Variants in GANC observed in about 807,000 individuals in gnomAD.
The protein encoded by GANC is neutral alpha-glucosidase C.
In GANC, 117 loss-of-function variants were observed where a neutral mutation model predicts 124.2. The observed-to-expected ratio is 0.94, with a 90% CI of 0.81 to 1.10. GANC has a LOEUF of 1.10. Among genes scored for constraint, GANC ranks in the 50% least tolerant of loss-of-function variants. The pLI is 0.00. For missense variants in GANC, 1,140 were observed against 1,095.0 expected (o/e 1.04, Z -0.58); for synonymous variants, 377 against 376.8 (o/e 1.00, Z -0.01).
chr15:42,281,767 G>GTGAAGGC (rs2051736599), intron 3 of GANC, among the ~76,000 whole-genome samples: 1 of 152,196 alleles, frequency 6.6e-6, no homozygotes, highest in African/African-American at 2.4e-5. Context: ...TTAAAAAATT[G>GTGAAGGC]TGAAGGCTGT....
Position 42,273,390 on chromosome 15 carries a change from C to T in GANC, c.-1092C>T, listed in dbSNP as rs2277533. 8.1e-6 allele frequency: 13 copies of T among 1,613,928 alleles called. No individual in the cohort carries two copies. The highest frequency in any genetic ancestry group is 1.7e-5 in the Admixed American group (1 of 59,996). ...CAGGCAACACCTGAAGCCACGCAGC[C>T]GCCGCCATCTTCACAGCCGTGGAGT... On this transcript the variant is annotated 5_prime_UTR_variant, in exon 1 of 24. Coordinates refer to ENST00000318010, the MANE Select transcript of GANC (RefSeq NM_198141.3).
At chr15:42,312,559 G>A (rs1391682665) in intron 10 of GANC, among the ~76,000 whole-genome samples, 2 of 152,180 alleles carry the variant, frequency 1.3e-5, no homozygotes, top group Non-Finnish European at 2.9e-5. Flanking sequence ...TTTGTAGATT[G>A]CCCAGTCTTG....
At chr15:42,285,714 G>A (rs1163600676) in intron 3 of GANC, among the ~76,000 whole-genome samples, 1 of 152,166 alleles carries the variant, frequency 6.6e-6, no homozygotes, top group Non-Finnish European at 1.5e-5. Flanking sequence ...AGAATCTCTT[G>A]AACCTAGGAG....
At chr15:42,299,909 A>G (rs555296449) in intron 6 of GANC, among the ~76,000 whole-genome samples, 2 of 152,386 alleles carry the variant, frequency 1.3e-5, no homozygotes, top group East Asian at 1.9e-4. Context: ...CTGGCTAGCC[A>G]TATGCAGAAA....
intron 22 of GANC, among the ~76,000 whole-genome samples, chr15:42,350,282 G>A (rs1052301787): frequency 4.1e-5 from 6 of 147,822 alleles, no homozygotes; most frequent in African/African-American, 1.5e-4. Flanking sequence ...TGCCCACTTC[G>A]GCCTCCCAAA....
At chr15:42,325,585 G>A (rs2141060077) in intron 11 of GANC, among the ~76,000 whole-genome samples, 2 of 152,254 alleles carry the variant, frequency 1.3e-5, no homozygotes, top group Middle Eastern at 3.4e-3. Context: ...TTATATCAAT[G>A]TTATCTGAGC....
chr15:42,313,254 G>C (rs1294079574), intron 10 of GANC, among the ~76,000 whole-genome samples: 1 of 95,768 alleles, frequency 1.0e-5, no homozygotes, highest in Admixed American at 1.2e-4. Flanking sequence ...AAAATAAAAT[G>C]GTTCAACTAT....
chr15:42,341,983 A>G (rs1352418019), intron 18 of GANC, among the ~76,000 whole-genome samples: 1 of 152,154 alleles, frequency 6.6e-6, no homozygotes, highest in Non-Finnish European at 1.5e-5. Flanking sequence ...CCTAGTAAAA[A>G]TCAGCCCCTC....
chr15:42,350,797 C>T (rs1566963256), intron 22 of GANC, among the ~76,000 whole-genome samples: 1 of 151,782 alleles, frequency 6.6e-6, no homozygotes, highest in Non-Finnish European at 1.5e-5. Flanking sequence ...CTCAAGTGAT[C>T]CGCCCACGTT....
At chr15:42,286,422 T>G (rs572689732) in intron 3 of GANC, among the ~76,000 whole-genome samples, 2 of 152,350 alleles carry the variant, frequency 1.3e-5, no homozygotes, top group East Asian at 3.9e-4. Context: ...AAACACATGT[T>G]TAAATAGTGA....
chr15:42,349,641 T>TC (rs1340282170), intron 22 of GANC, 146 bp downstream of exon 22: 2 of 604,724 alleles, frequency 3.3e-6, no homozygotes, highest in African/African-American at 3.7e-5. Context: ...TTTTTTCTTT[T>TC]CTTTTCTTTT....
At chr15:42,299,997 A>T (rs1359114717) in intron 6 of GANC, among the ~76,000 whole-genome samples, 1 of 152,208 alleles carries the variant, frequency 6.6e-6, no homozygotes, top group Non-Finnish European at 1.5e-5. Flanking sequence ...GTAAAACCCA[A>T]AACCATAAAA....
At chr15:42,276,268 T>TAC (rs1292162659) in intron 1 of GANC, 80 bp from the exon 2 acceptor site, 7 of 707,880 alleles carry the variant, frequency 9.9e-6, no homozygotes, top group Non-Finnish European at 1.8e-5. Context: ...TGCATGTTCA[T>TAC]ACTGTCGTTA....
chr15:42,327,285 T>G, intron 12 of GANC, 78 bp from the exon 13 acceptor site: 1 of 1,092,414 alleles, frequency 9.2e-7, no homozygotes, highest in African/African-American at 1.6e-5. Context: ...AGCTCTCACA[T>G]CTGATACCTT....
At chr15:42,333,829 A>G (rs1448686735) in intron 15 of GANC, among the ~76,000 whole-genome samples, 1 of 152,184 alleles carries the variant, frequency 6.6e-6, no homozygotes, top group Admixed American at 6.5e-5. Context: ...TAAGGCCTGT[A>G]ACACTTCTCT....
intron 6 of GANC, among the ~76,000 whole-genome samples, chr15:42,302,292 A>G (rs144013136): frequency 6.6e-6 from 1 of 152,328 alleles, no homozygotes; most frequent in East Asian, 1.9e-4. Context: ...CTAACACGGA[A>G]AGGAATAGCA....
In GANC at chr15:42,273,980, A is replaced by G. The variant is rs1471878907; in HGVS notation, c.-502A>G. ...ATGCTGCAGTACAATCTGGCTGGAG[A>G]CCTAGCCTCCAGCAAAGACCCGGCC... On this transcript the variant is annotated 5_prime_UTR_variant, in exon 1 of 24. Coordinates refer to ENST00000318010, the MANE Select transcript of GANC (RefSeq NM_198141.3). 3 of 219,900 alleles carry G rather than the reference A, an allele frequency of 1.4e-5. No homozygotes were observed. Among genetic ancestry groups the G allele is most frequent in the Non-Finnish European group, 2.7e-5 (3 of 110,510 alleles). The allele number at this position is 219,900 out of a possible 1,614,324, so 13.6% of individuals were successfully genotyped here.
At chr15:42,296,582 AG>A (rs1321720843) in intron 5 of GANC, among the ~76,000 whole-genome samples, 2 of 152,056 alleles carry the variant, frequency 1.3e-5, no homozygotes, top group Non-Finnish European at 2.9e-5. Context: ...TAGTAGAGAC[AG>A]GGTTTCACCA....
chr15:42,318,142 C>T (rs922222691), intron 10 of GANC, among the ~76,000 whole-genome samples: 3 of 152,236 alleles, frequency 2.0e-5, no homozygotes, highest in African/African-American at 7.2e-5. Flanking sequence ...CCATTGTTCT[C>T]TAGGTTCCCT....
Sources: gnomAD v4.1 joint callset for allele counts (sites outside exome capture counted in the v4.1 genomes callset) on GRCh38, gnomAD v4.1.1 for gene constraint, MANE v1.5 for transcripts, NCBI Gene and HGNC (gene_info 2026-07-23, HGNC 2026-07-21) for gene names.